Variants in STPG2 observed in about 807,000 individuals in gnomAD.
STPG2 encodes the protein sperm-tail PG-rich repeat-containing protein 2.
Under a neutral mutation model 54.2 loss-of-function variants are expected in STPG2, and 56 were observed. The ratio of observed to expected loss-of-function variants is 1.03; its 90% CI spans 0.83 to 1.29. The LOEUF (loss-of-function observed/expected upper bound fraction) is 1.29, where lower values mean the gene tolerates loss of function less well. Ranked by LOEUF, STPG2 falls within the 50% of genes most tolerant of loss-of-function variation. The pLI is 0.00. For missense variants in STPG2, 596 were observed against 544.9 expected (o/e 1.09, Z -0.93); for synonymous variants, 200 against 181.8 (o/e 1.10, Z -0.81).
chr4:97,588,828 C>A (rs188498647), intron 10 of STPG2, among the ~76,000 whole-genome samples: 1 of 152,076 alleles, frequency 6.6e-6, no homozygotes, highest in Admixed American at 6.6e-5. Context: ...TTAAAGTATC[C>A]AAAAATACTA....
chr4:97,539,489 C>A (rs887123988), intron 4 of STPG2, among the ~76,000 whole-genome samples: 2 of 152,192 alleles, frequency 1.3e-5, no homozygotes, highest in African/African-American at 4.8e-5. Flanking sequence ...ACAAGAAGAT[C>A]TAACTATCGT....
At chr4:98,103,715 T>C (rs557538017) in intron 5 of STPG2, among the ~76,000 whole-genome samples, 6 of 152,094 alleles carry the variant, frequency 3.9e-5, no homozygotes, top group African/African-American at 1.4e-4. Flanking sequence ...TTTGAATCTC[T>C]ATCCTTGGTA....
At chr4:98,043,064 C>T (rs1482352776) in intron 5 of STPG2, among the ~76,000 whole-genome samples, 1 of 151,982 alleles carries the variant, frequency 6.6e-6, no homozygotes, top group South Asian at 2.1e-4. Context: ...ACTGAATTGA[C>T]CCTTTCATCA....
chr4:97,845,118 G>A (rs1256331852), intron 8 of STPG2, among the ~76,000 whole-genome samples: 2 of 149,038 alleles, frequency 1.3e-5, no homozygotes, highest in African/African-American at 2.5e-5. Context: ...TTAATTCTTT[G>A]AAAAAAAATT....
chr4:97,906,508 T>C (rs1731429695), intron 8 of STPG2, among the ~76,000 whole-genome samples: 1 of 152,124 alleles, frequency 6.6e-6, no homozygotes, highest in African/African-American at 2.4e-5. Flanking sequence ...CCTCCCTAAC[T>C]CATTTTATCA....
intron 8 of STPG2, among the ~76,000 whole-genome samples, chr4:97,867,836 G>A (rs575973249): frequency 1.3e-4 from 20 of 151,960 alleles, no homozygotes; most frequent in Non-Finnish European, 2.4e-4. Context: ...CAGGAAATAA[G>A]AATAAAGTAA....
chr4:97,779,245 A>T (rs1312165384), intron 9 of STPG2, among the ~76,000 whole-genome samples: 1 of 152,226 alleles, frequency 6.6e-6, no homozygotes, highest in African/African-American at 2.4e-5. Context: ...AAATGACCTG[A>T]TGGAACTGAA....
At chr4:98,105,854 T>C in intron 5 of STPG2, 99 bp downstream of exon 5, 1 of 1,004,746 alleles carries the variant, frequency 1.0e-6, no homozygotes, top group Non-Finnish European at 1.4e-6. Flanking sequence ...CGATTAGCTA[T>C]CAGGCACATT....
At chr4:97,684,146 G>A (rs534958133) in intron 10 of STPG2, among the ~76,000 whole-genome samples, 29 of 151,854 alleles carry the variant, frequency 1.9e-4, no homozygotes, top group African/African-American at 5.1e-4. Context: ...GAGTAAAAAC[G>A]CTTTATTAAG....
rs192409716 is a variant in STPG2, at chr4:97,470,595, A to C, written c.462+242104T>G. On this transcript the variant is annotated intron_variant, in intron 4 of 4. Transcript: ENST00000522676. ...TGTTTTTATACACATTCTTATGATA[A>C]AGTTTAACTTATAAATTAGGGACAA... 4.2e-3 allele frequency among the ~76,000 whole-genome samples: 637 copies of C among 152,230 alleles called. 3 individuals carry two copies. Among genetic ancestry groups the C allele is most frequent in the South Asian group, 0.02 (98 of 4,826 alleles).
At chr4:97,752,562 A>G (rs1469314192) in intron 9 of STPG2, among the ~76,000 whole-genome samples, 1 of 151,868 alleles carries the variant, frequency 6.6e-6, no homozygotes, top group African/African-American at 2.4e-5. Flanking sequence ...ACCCAACTGC[A>G]TAGAAGAAAA....
At chr4:97,797,834 G>A (rs1727251504) in intron 9 of STPG2, among the ~76,000 whole-genome samples, 1 of 152,098 alleles carries the variant, frequency 6.6e-6, no homozygotes, top group Admixed American at 6.5e-5. Context: ...TTTTTGGTTG[G>A]TAGGCTATTA....
rs199699367 is a variant in STPG2, at chr4:97,943,906, T to C, written c.1035A>G (p.Val345=). 2.5e-6 allele frequency: 4 copies of C among 1,571,750 alleles called. No individual in the cohort carries two copies. The highest frequency in any genetic ancestry group is 3.4e-6 in the Non-Finnish European group (4 of 1,164,490). The change falls in exon 8 of 11, where the codon GTA becomes GTG. Residue 345 remains valine (V), a synonymous_variant. Coordinates refer to ENST00000295268, the MANE Select transcript of STPG2 (RefSeq NM_174952.3). ...GTAGGAGTATTCTTACCATATCTGG[T>C]ACTTTCATAGTTCTTTTGGCTCTTG... is the stretch of plus-strand genomic sequence containing the variant. ...FLSRAKRTMK[V]PDMVIPAPGS...
At chr4:97,852,330 A>G (rs1383714325) in intron 8 of STPG2, among the ~76,000 whole-genome samples, 1 of 152,160 alleles carries the variant, frequency 6.6e-6, no homozygotes, top group Non-Finnish European at 1.5e-5. Context: ...ATAAATAGGG[A>G]CCATTTTAAG....
At chr4:97,955,820 T>C (rs1355795490) in intron 7 of STPG2, among the ~76,000 whole-genome samples, 1 of 151,726 alleles carries the variant, frequency 6.6e-6, no homozygotes, top group African/African-American at 2.4e-5. Context: ...AGATGGAAAG[T>C]CTAAAAAAAC....
At chr4:97,649,662 T>TC (rs1722009963) in intron 10 of STPG2, among the ~76,000 whole-genome samples, 1 of 152,044 alleles carries the variant, frequency 6.6e-6, no homozygotes, top group African/African-American at 2.4e-5. Context: ...ATCACTGTCT[T>TC]GAGATAGGAA....
At chr4:97,720,904 C>T (rs886384292) in intron 9 of STPG2, among the ~76,000 whole-genome samples, 2 of 151,782 alleles carry the variant, frequency 1.3e-5, no homozygotes, top group Non-Finnish European at 1.5e-5. Flanking sequence ...AATCCAATAG[C>T]ACTACATCCT....
At chr4:97,482,585 T>C (rs893711250) in intron 4 of STPG2, among the ~76,000 whole-genome samples, 10 of 151,618 alleles carry the variant, frequency 6.6e-5, no homozygotes, top group African/African-American at 2.4e-4. Context: ...CTAAGAATAA[T>C]TGGTTTTCCA....
chr4:97,566,237 AG>A (rs1282816649), intron 10 of STPG2, among the ~76,000 whole-genome samples: 1 of 152,180 alleles, frequency 6.6e-6, no homozygotes. Flanking sequence ...GGACCCTCCG[AG>A]CCTGGTGCGG....
Sources: gnomAD v4.1 joint callset for allele counts (sites outside exome capture counted in the v4.1 genomes callset) on GRCh38, gnomAD v4.1.1 for gene constraint, MANE v1.5 for transcripts, NCBI Gene and HGNC (gene_info 2026-07-23, HGNC 2026-07-21) for gene names.